Variants in TTLL5 observed in about 807,000 individuals in gnomAD.
The protein encoded by TTLL5 is tubulin tyrosine ligase like 5, also known as tubulin polyglutamylase TTLL5.
Under a neutral mutation model 168.4 loss-of-function variants are expected in TTLL5, and 132 were observed. The ratio of observed to expected loss-of-function variants is 0.78; its 90% CI spans 0.68 to 0.91. The LOEUF (loss-of-function observed/expected upper bound fraction) is 0.91. TTLL5 is among the 40% of genes least tolerant of loss of function. The pLI is 0.00. For missense variants in TTLL5, 1,545 were observed against 1,581.5 expected, an observed-to-expected ratio of 0.98 and a Z score of 0.39; for synonymous variants, 546 against 558.6, an observed-to-expected ratio of 0.98 and a Z score of 0.32.
At chr14:75,754,938 G>C (rs1316768806) in intron 18 of TTLL5, among the ~76,000 whole-genome samples, 1 of 151,976 alleles carries the variant, frequency 6.6e-6, no homozygotes, top group Non-Finnish European at 1.5e-5. Flanking sequence ...AACAGCTCCT[G>C]CTTATGAAGC....
chr14:75,787,545 C>T (rs1566604468), intron 26 of TTLL5, among the ~76,000 whole-genome samples: 3 of 152,088 alleles, frequency 2.0e-5, no homozygotes. Context: ...TGTATAAATC[C>T]ACTATCTTAG....
intron 4 of TTLL5, among the ~76,000 whole-genome samples, chr14:75,683,342 G>A (rs1423594801): frequency 6.6e-6 from 1 of 152,232 alleles, no homozygotes; most frequent in East Asian, 1.9e-4. Context: ...TTTAGTTTCT[G>A]CATCGGGGAT....
At chr14:75,733,846 A>T in intron 13 of TTLL5, 143 bp from the exon 14 acceptor site, 1 of 678,174 alleles carries the variant, frequency 1.5e-6, no homozygotes, top group Non-Finnish European at 2.5e-6. Context: ...TTTTTCCCCC[A>T]CCGCCCCCGT....
At chr14:75,926,240 GTC>G (rs1225279204) in intron 31 of TTLL5, among the ~76,000 whole-genome samples, 1 of 124,234 alleles carries the variant, frequency 8.0e-6, no homozygotes, top group Non-Finnish European at 1.6e-5. Flanking sequence ...GCCTATGTGT[GTC>G]TCTGCACGTG....
rs547127060 is a variant in TTLL5 at position 75,767,432 on chromosome 14, A to C, written c.2015+1064A>C. 2.0e-5 allele frequency among the ~76,000 whole-genome samples: 3 copies of C among 152,344 alleles called. No homozygotes were observed. The South Asian group carries it at 6.2e-4, about 32-fold the overall frequency. ...TAATTGGGCAGAGTTACTTAATTGC[A>C]GTGATCTGGCATGAAGAGGTAACCT... is the stretch of plus-strand genomic sequence containing the variant. On this transcript the variant is annotated intron_variant, in intron 20 of 31. Coordinates refer to ENST00000298832, the MANE Select transcript of TTLL5 (RefSeq NM_015072.5).
Position 75,681,552 on chromosome 14 carries a change from T to C in TTLL5, c.189T>C (p.Tyr63=), listed in dbSNP as rs772480677. The C allele has an allele frequency of 2.5e-5, 40 of 1,613,012 alleles. No homozygotes were observed. The highest frequency in any genetic ancestry group is 3.3e-5 in the Admixed American group (2 of 59,994). ...DNNIRVIGER[Y]HLSYKIVRTD... Reference sequence around the variant, plus strand: ...GATTCTGTTTTTCTTTAGAACGTTATCATTTGTCTTATAAGATTGTACGAA... The same window carrying C: ...GATTCTGTTTTTCTTTAGAACGTTACCATTTGTCTTATAAGATTGTACGAA... Residue 63 remains tyrosine (Y), a synonymous_variant, in exon 4 of 32, where the codon TAT becomes TAC. Coordinates refer to ENST00000298832, the MANE Select transcript of TTLL5 (RefSeq NM_015072.5).
intron 7 of TTLL5, 152 bp downstream of exon 7, chr14:75,699,422 T>TG (rs1184075422): frequency 1.4e-6 from 1 of 722,178 alleles, no homozygotes; most frequent in African/African-American, 1.8e-5. Context: ...AGGTATAACT[T>TG]GACTTGTTTG....
Position 75,679,071 on chromosome 14 carries a change from G to T in TTLL5, c.182-2474G>T, listed in dbSNP as rs959022038. On this transcript the variant is annotated intron_variant, in intron 3 of 31. Coordinates refer to ENST00000298832, the MANE Select transcript of TTLL5 (RefSeq NM_015072.5). ...TCTCTTGTGTGGTAGGCAGAATAAT[G>T]GTCCCTTAAAGATGTCTACCTTCTA... 4.6e-5 allele frequency among the ~76,000 whole-genome samples: 7 copies of T among 152,074 alleles called. No individual in the cohort carries two copies. The East Asian group carries it at 5.8e-4, about 13-fold the overall frequency.
At chr14:75,663,468 A>G (rs932872408) in intron 2 of TTLL5, among the ~76,000 whole-genome samples, 2 of 152,216 alleles carry the variant, frequency 1.3e-5, no homozygotes, top group Non-Finnish European at 2.9e-5. Flanking sequence ...ATAAGTGAAC[A>G]TCAGCTCTAG....
intron 6 of TTLL5, among the ~76,000 whole-genome samples, chr14:75,694,855 G>A (rs551297539): frequency 1.3e-5 from 2 of 152,284 alleles, no homozygotes; most frequent in South Asian, 4.2e-4. Context: ...TCCTATGTCT[G>A]TCTTTACTTT....
At chr14:75,848,854 C>G (rs1228996264) in intron 28 of TTLL5, among the ~76,000 whole-genome samples, 2 of 152,182 alleles carry the variant, frequency 1.3e-5, no homozygotes, top group African/African-American at 2.4e-5. Context: ...GTTTTTATAT[C>G]CAGCTTTTTG....
chr14:75,851,465 G>A (rs1247787028), intron 28 of TTLL5, among the ~76,000 whole-genome samples: 1 of 152,130 alleles, frequency 6.6e-6, no homozygotes, highest in African/African-American at 2.4e-5. Context: ...GGGAGGGGAG[G>A]AAGATTTGGT....
chr14:75,707,225 G>T (rs1238281597), intron 8 of TTLL5, 138 bp downstream of exon 8: 2 of 675,712 alleles, frequency 3.0e-6, no homozygotes, highest in Admixed American at 2.7e-5. Flanking sequence ...AAGGCAGCAG[G>T]TTCCTTACCT....
intron 31 of TTLL5, among the ~76,000 whole-genome samples, chr14:75,925,223 C>A (rs1175767525): frequency 7.0e-6 from 1 of 141,986 alleles, no homozygotes; most frequent in Non-Finnish European, 1.5e-5. Context: ...GGGCGGCTGG[C>A]CTGGCGGGGG....
intron 27 of TTLL5, among the ~76,000 whole-genome samples, chr14:75,803,581 A>G (rs866902045): frequency 6.6e-6 from 1 of 152,210 alleles, no homozygotes; most frequent in African/African-American, 2.4e-5. Flanking sequence ...GAGCAGGTCA[A>G]ATTTAATTCT....
At chr14:75,817,835 T>G (rs937796094) in intron 27 of TTLL5, among the ~76,000 whole-genome samples, 1 of 130,910 alleles carries the variant, frequency 7.6e-6, no homozygotes, top group Admixed American at 7.4e-5. Flanking sequence ...CTTTTCTTTT[T>G]TTTTTTTTTT....
At chr14:75,933,181 G>A (rs377413575) in intron 31 of TTLL5, among the ~76,000 whole-genome samples, 35 of 152,196 alleles carry the variant, frequency 2.3e-4, no homozygotes, top group Admixed American at 1.2e-3. Context: ...TATTTGGCTC[G>A]GCACAGTGGC....
chr14:75,846,792 GA>G (rs5809732), intron 28 of TTLL5, among the ~76,000 whole-genome samples: 70,415 of 99,176 alleles, frequency 0.71, 23,424 homozygotes, highest in Admixed American at 0.76. Context: ...CTCCATCTCA[GA>G]AAAAAAAAAA....
intron 31 of TTLL5, among the ~76,000 whole-genome samples, chr14:75,917,671 C>G (rs1262351482): frequency 2.0e-5 from 3 of 152,190 alleles, no homozygotes; most frequent in African/African-American, 7.2e-5. Context: ...GCCTCTACTC[C>G]CCTGGGTGGG....
Sources: allele counts gnomAD v4.1 joint callset (sites outside exome capture counted in the v4.1 genomes callset), GRCh38; gene constraint gnomAD v4.1.1; transcripts MANE v1.5; gene names NCBI Gene and HGNC (gene_info 2026-07-23, HGNC 2026-07-21).